Variants in LINGO2 observed in about 807,000 individuals in gnomAD.
The protein encoded by LINGO2 is leucine rich repeat and Ig domain containing 2, also known as leucine-rich repeat and immunoglobulin-like domain-containing nogo receptor-interacting protein 2.
A neutral mutation model predicts 30.6 loss-of-function variants in LINGO2; 14 were observed. That is an observed-to-expected ratio of 0.46 (90% CI 0.30 to 0.72). The LOEUF is 0.72. LINGO2 is among the 30% of genes least tolerant of loss of function. LINGO2 has a pLI of 0.07. For synonymous variants in LINGO2, 317 were observed against 288.5 expected (o/e 1.10, Z -1.00); for missense variants, 729 against 751.7 (o/e 0.97, Z 0.35).
At chr9:28,877,211 C>A in the LINGO2 span, among the ~76,000 whole-genome samples, 4 of 151,210 alleles carry the variant, frequency 2.6e-5, no homozygotes, top group Non-Finnish European at 5.9e-5. Context: ...TGCCTGTTCA[C>A]TCTGATGGTA....
the LINGO2 span, among the ~76,000 whole-genome samples, chr9:28,739,720 T>C: frequency 3.3e-5 from 5 of 151,494 alleles, no homozygotes; most frequent in Admixed American, 2.6e-4. Flanking sequence ...AATATAAGAG[T>C]TTTTTTCTGA....
chr9:28,439,939 T>G (rs1217052873), intron 2 of LINGO2, among the ~76,000 whole-genome samples: 2 of 152,130 alleles, frequency 1.3e-5, no homozygotes, highest in Admixed American at 1.3e-4. Flanking sequence ...TCTGAAATCC[T>G]AAATCCTGAA....
At chr9:28,062,706 A>ATCAAATATATATAT (rs1215837581) in intron 4 of LINGO2, among the ~76,000 whole-genome samples, 1 of 148,994 alleles carries the variant, frequency 6.7e-6, no homozygotes. Flanking sequence ...TATATACAAA[A>ATCAAATATATATAT]TTTCTAAATG....
intron 2 of LINGO2, among the ~76,000 whole-genome samples, chr9:28,473,669 A>T (rs1183486070): frequency 6.6e-6 from 1 of 152,110 alleles, no homozygotes; most frequent in African/African-American, 2.4e-5. Flanking sequence ...TTTCTGAGTG[A>T]TACAAATCTT....
At chr9:28,845,139 A>T in the LINGO2 span, among the ~76,000 whole-genome samples, 2 of 151,822 alleles carry the variant, frequency 1.3e-5, no homozygotes, top group African/African-American at 4.9e-5. Flanking sequence ...TTAGATATAG[A>T]GTGTAATCAT....
chr9:28,540,454 G>C (rs1420480668), intron 1 of LINGO2, among the ~76,000 whole-genome samples: 1 of 151,998 alleles, frequency 6.6e-6, no homozygotes, highest in African/African-American at 2.4e-5. Flanking sequence ...TAGAGACAGG[G>C]TTTCATTATG....
intron 1 of LINGO2, among the ~76,000 whole-genome samples, chr9:28,510,428 C>T (rs1474052122): frequency 6.6e-6 from 1 of 151,904 alleles, no homozygotes; most frequent in Non-Finnish European, 1.5e-5. Flanking sequence ...AGAGAAAATG[C>T]ATTTACTATT....
intron 1 of LINGO2, among the ~76,000 whole-genome samples, chr9:28,640,321 G>A (rs567737081): frequency 3.9e-5 from 6 of 152,140 alleles, no homozygotes; most frequent in Non-Finnish European, 8.8e-5. Context: ...TTCTCGAGGA[G>A]TATCTTTGTG....
At chr9:28,327,374 T>C (rs1298955096) in intron 3 of LINGO2, among the ~76,000 whole-genome samples, 1 of 152,128 alleles carries the variant, frequency 6.6e-6, no homozygotes, top group Admixed American at 6.5e-5. Flanking sequence ...ATGTTTAAAA[T>C]AGGAATAAGC....
At chr9:28,089,997 T>A (rs1047548518) in intron 4 of LINGO2, among the ~76,000 whole-genome samples, 1 of 151,966 alleles carries the variant, frequency 6.6e-6, no homozygotes, top group African/African-American at 2.4e-5. Context: ...ATATACACCT[T>A]CCAAGACTAA....
At chr9:28,160,142 T>C (rs1828244940) in intron 4 of LINGO2, among the ~76,000 whole-genome samples, 1 of 152,094 alleles carries the variant, frequency 6.6e-6, no homozygotes, top group South Asian at 2.1e-4. Context: ...AACATTAAGG[T>C]TAATATAGGC....
the LINGO2 span, among the ~76,000 whole-genome samples, chr9:28,970,515 A>G: frequency 6.6e-6 from 1 of 152,082 alleles, no homozygotes; most frequent in Non-Finnish European, 1.5e-5. Context: ...TCGCTAATGC[A>G]ACCCCTCCCC....
chr9:28,550,205 A>G (rs1217718431), intron 1 of LINGO2, among the ~76,000 whole-genome samples: 1 of 151,868 alleles, frequency 6.6e-6, no homozygotes, highest in Non-Finnish European at 1.5e-5. Flanking sequence ...TCTCATTTTC[A>G]CTACTTTCTT....
the LINGO2 span, among the ~76,000 whole-genome samples, chr9:29,097,480 G>T: frequency 7.2e-6 from 1 of 138,012 alleles, no homozygotes; most frequent in Non-Finnish European, 1.6e-5. Context: ...ATTAGAAAAT[G>T]TTGACATCCT....
chr9:28,365,486 C>A (rs764968608), intron 3 of LINGO2, among the ~76,000 whole-genome samples: 1 of 152,020 alleles, frequency 6.6e-6, no homozygotes, highest in African/African-American at 2.4e-5. Context: ...ACTGCAACAC[C>A]CCCTAGTGCA....
At position 28,235,953 on chromosome 9, in the gene LINGO2, A is replaced by G. The variant is rs535141035; in HGVS notation, c.-87+59255T>C. Among the ~76,000 whole-genome samples, 6 of 152,338 alleles carry G rather than the reference A, an allele frequency of 3.9e-5. No individual in the cohort carries two copies. In the South Asian group the frequency reaches 1.0e-3, roughly 26 times the overall value. On this transcript the variant is annotated intron_variant, in intron 4 of 5. Transcript: ENST00000379992. ...CAGAGGACTTCCTAATCCTAGGGAA[A>G]GGTAAGAACGTTCAAATACACAAGA...
chr9:28,241,267 C>CAA (rs1164724626), intron 4 of LINGO2, among the ~76,000 whole-genome samples: 4,871 of 82,708 alleles, frequency 0.059, 272 homozygotes, highest in Non-Finnish European at 0.066. Flanking sequence ...GACCCTGTCT[C>CAA]AAAAAAAAAA....
chr9:28,162,659 G>C (rs966384841), intron 4 of LINGO2, among the ~76,000 whole-genome samples: 3 of 152,100 alleles, frequency 2.0e-5, no homozygotes, highest in African/African-American at 7.2e-5. Flanking sequence ...TAAGGAAGAT[G>C]CTTTATATTT....
chr9:28,120,052 A>G (rs1335680163), intron 4 of LINGO2, among the ~76,000 whole-genome samples: 2 of 152,214 alleles, frequency 1.3e-5, no homozygotes, highest in Non-Finnish European at 2.9e-5. Context: ...TTAAATTTCA[A>G]TTGGGAACGG....
Sources: allele counts gnomAD v4.1 joint callset (sites outside exome capture counted in the v4.1 genomes callset), GRCh38; gene constraint gnomAD v4.1.1; transcripts MANE v1.5; gene names NCBI Gene and HGNC (gene_info 2026-07-23, HGNC 2026-07-21).